CNTNAP2: variants seen among roughly 807,000 people sequenced by gnomAD.
CNTNAP2 encodes the protein contactin-associated protein-like 2.
A neutral mutation model predicts 155.2 loss-of-function variants in CNTNAP2; 98 were observed. The observed-to-expected ratio is 0.63, with a 90% CI of 0.54 to 0.75. The LOEUF (loss-of-function observed/expected upper bound fraction) is 0.75, where lower values mean the gene tolerates loss of function less well. Ranked by LOEUF, CNTNAP2 falls within the 30% of genes least tolerant of loss-of-function variation. CNTNAP2 has a pLI of 0.00. For synonymous variants in CNTNAP2, 651 were observed against 631.2 expected (o/e 1.03, Z -0.47); for missense variants, 1,727 against 1,688.1 (o/e 1.02, Z -0.40).
At chr7:147,120,536 C>T (rs1000981489) in intron 5 of CNTNAP2, among the ~76,000 whole-genome samples, 1 of 152,064 alleles carries the variant, frequency 6.6e-6, no homozygotes, top group East Asian at 1.9e-4. Context: ...TAAAAAAGCA[C>T]TTTTTTCCAT....
At position 147,562,262 on chromosome 7, in the gene CNTNAP2, CTG is replaced by C. The variant is rs1235521093; in HGVS notation, c.1897+9_1897+10del. 6 of 1,613,614 alleles carry C rather than the reference CTG, an allele frequency of 3.7e-6. No homozygotes were observed. Among genetic ancestry groups the C allele is most frequent in the East Asian group, 4.5e-5 (2 of 44,868 alleles). ...AAGTTTACTGCAACATGACAGGTAA[CTG>C]TGTCATATTTATGTTTTATGAAGAT... On this transcript the variant is annotated splice_donor_region_variant and intron_variant, in intron 12 of 23. Transcript: ENST00000361727.
chr7:148,349,250 TC>T, intron 21 of CNTNAP2, among the ~76,000 whole-genome samples: 1 of 152,046 alleles, frequency 6.6e-6, no homozygotes, highest in East Asian at 1.9e-4. Flanking sequence ...AGGAACCAGA[TC>T]TAAAGACAGG....
rs1237556967 is a variant in CNTNAP2 at position 146,833,535 on chromosome 7, G to C, written c.209-6176G>C. Among the ~76,000 whole-genome samples the C allele has an allele frequency of 2.0e-5, 3 of 152,170 alleles. No homozygotes were observed. The East Asian group carries it at 5.8e-4, about 29-fold the overall frequency. On this transcript the variant is annotated intron_variant, in intron 2 of 23. Transcript: ENST00000361727. ...TGGCAGTGTTTTTAGGGAATCATGT[G>C]TCTAGTCACCAAGCCAGTGAATGCC... is the stretch of plus-strand genomic sequence containing the variant.
At chr7:146,364,335 G>A (rs964613768) in intron 1 of CNTNAP2, among the ~76,000 whole-genome samples, 2 of 152,050 alleles carry the variant, frequency 1.3e-5, no homozygotes, top group Admixed American at 1.3e-4. Flanking sequence ...TTTGAAGCCC[G>A]GAGAACTAAG....
chr7:146,725,149 T>C (rs1336678108), intron 1 of CNTNAP2, among the ~76,000 whole-genome samples: 4 of 150,980 alleles, frequency 2.6e-5, no homozygotes, highest in Admixed American at 2.0e-4. Flanking sequence ...CATGGTGGTC[T>C]CCTCATTGTG....
At chr7:146,269,885 G>C (rs1486575282) in intron 1 of CNTNAP2, among the ~76,000 whole-genome samples, 1 of 152,176 alleles carries the variant, frequency 6.6e-6, no homozygotes, top group Non-Finnish European at 1.5e-5. Context: ...ACCTTTCTTA[G>C]GGAAGTCAAG....
At chr7:147,305,238 A>G (rs1224367370) in intron 9 of CNTNAP2, among the ~76,000 whole-genome samples, 1 of 152,216 alleles carries the variant, frequency 6.6e-6, no homozygotes, top group Non-Finnish European at 1.5e-5. Context: ...TTTGCTATTG[A>G]AAGTAAAGGC....
At chr7:148,286,039 G>C (rs563433938) in intron 21 of CNTNAP2, among the ~76,000 whole-genome samples, 222 of 152,240 alleles carry the variant, frequency 1.5e-3, no homozygotes, top group Non-Finnish European at 2.0e-3. Context: ...TCATAGGAAA[G>C]ATAAAATACA....
rs922058309 is a variant in CNTNAP2 at position 147,868,609 on chromosome 7, A to C, written c.2099-34956A>C. 7.2e-5 allele frequency among the ~76,000 whole-genome samples: 11 copies of C among 152,298 alleles called. No homozygotes were observed. The East Asian group carries it at 2.1e-3, about 29-fold the overall frequency. ...TCTATAGAGGCAGTAGGCCTTGCTG[A>C]GCTGTGGTGGGCTCTACCCAGTTCG... On this transcript the variant is annotated intron_variant, in intron 13 of 23. Coordinates refer to ENST00000361727, the MANE Select transcript of CNTNAP2 (RefSeq NM_014141.6).
intron 8 of CNTNAP2, among the ~76,000 whole-genome samples, chr7:147,160,131 C>A (rs1490628546): frequency 6.6e-6 from 1 of 151,996 alleles, no homozygotes; most frequent in Non-Finnish European, 1.5e-5. Flanking sequence ...ATATCACAAG[C>A]AATTGCAAAG....
intron 1 of CNTNAP2, among the ~76,000 whole-genome samples, chr7:146,395,318 A>G (rs1795603971): frequency 6.6e-6 from 1 of 152,162 alleles, no homozygotes; most frequent in Admixed American, 6.5e-5. Flanking sequence ...AGGGAGTCCA[A>G]TGCCAGAGTC....
At chr7:146,374,301 T>C (rs745712147) in intron 1 of CNTNAP2, among the ~76,000 whole-genome samples, 2 of 152,200 alleles carry the variant, frequency 1.3e-5, no homozygotes, top group Non-Finnish European at 2.9e-5. Flanking sequence ...GCACAGATTT[T>C]ACCAGAAATT....
At chr7:147,603,637 C>T (rs992950476) in intron 12 of CNTNAP2, among the ~76,000 whole-genome samples, 1 of 152,114 alleles carries the variant, frequency 6.6e-6, no homozygotes, top group African/African-American at 2.4e-5. Flanking sequence ...GTGAAAATGG[C>T]CATACTGCCC....
At position 147,849,590 on chromosome 7, in the gene CNTNAP2, C is replaced by T. The variant is rs191654352; in HGVS notation, c.2099-53975C>T. 2.0e-5 allele frequency among the ~76,000 whole-genome samples: 3 copies of T among 152,324 alleles called. No homozygotes were observed. In the East Asian group the frequency reaches 5.8e-4, roughly 29 times the overall value. On this transcript the variant is annotated intron_variant, in intron 13 of 23. Transcript: ENST00000361727. ...ACGTCTTTATTTTGATAAGTATCCA[C>T]AGGACACCCATTTGTACAGTAGAAA...
intron 13 of CNTNAP2, among the ~76,000 whole-genome samples, chr7:147,745,072 G>A (rs1792018454): frequency 6.6e-6 from 1 of 152,124 alleles, no homozygotes; most frequent in Non-Finnish European, 1.5e-5. Context: ...TACTATGTTG[G>A]TACTCTAACT....
At chr7:146,929,501 GA>G (rs1796696007) in intron 3 of CNTNAP2, among the ~76,000 whole-genome samples, 1 of 152,162 alleles carries the variant, frequency 6.6e-6, no homozygotes, top group African/African-American at 2.4e-5. Context: ...AAACAGAGCA[GA>G]AAAACTGGAA....
chr7:146,527,854 A>G (rs905375010), intron 1 of CNTNAP2, among the ~76,000 whole-genome samples: 1 of 150,150 alleles, frequency 6.7e-6, no homozygotes, highest in African/African-American at 2.5e-5. Flanking sequence ...TTTTATTTCC[A>G]CAGGAGTAAA....
chr7:147,112,926 C>A (rs1293113611), intron 5 of CNTNAP2, among the ~76,000 whole-genome samples: 1 of 152,074 alleles, frequency 6.6e-6, no homozygotes, highest in African/African-American at 2.4e-5. Flanking sequence ...GGAGTCCTTC[C>A]TTTTCAGGTT....
At chr7:147,446,271 C>G (rs1402379881) in intron 10 of CNTNAP2, among the ~76,000 whole-genome samples, 1 of 151,712 alleles carries the variant, frequency 6.6e-6, no homozygotes, top group African/African-American at 2.4e-5. Context: ...TGGCACTCTT[C>G]CTTCCTAACA....
Sources: allele counts gnomAD v4.1 joint callset (sites outside exome capture counted in the v4.1 genomes callset), GRCh38; gene constraint gnomAD v4.1.1; transcripts MANE v1.5; gene names NCBI Gene and HGNC (gene_info 2026-07-23, HGNC 2026-07-21).